PARVB: variants seen among roughly 807,000 people sequenced by gnomAD.
PARVB encodes the protein beta-parvin.
A neutral mutation model predicts 47.0 loss-of-function variants in PARVB; 46 were observed. That is an observed-to-expected ratio of 0.98 (90% CI 0.77 to 1.25). PARVB has a LOEUF of 1.25. PARVB is among the 50% of genes most tolerant of loss of function. The pLI, the probability that PARVB is intolerant of heterozygous loss-of-function variation, is 0.00. For missense variants in PARVB, 473 were observed against 471.6 expected (o/e 1.00, Z -0.03); for synonymous variants, 196 against 196.3 (o/e 1.00, Z 0.01).
chr22:44,030,505 G>A (rs535779160), intron 1 of PARVB, among the ~76,000 whole-genome samples: 56 of 152,272 alleles, frequency 3.7e-4, no homozygotes, highest in African/African-American at 1.2e-3. Context: ...AAACACAGGA[G>A]CTTGGAACCC....
intron 1 of PARVB, among the ~76,000 whole-genome samples, chr22:44,054,990 C>CAAAAAAAA (rs3083343): frequency 1.4e-5 from 1 of 70,118 alleles, no homozygotes; most frequent in Non-Finnish European, 2.5e-5. Flanking sequence ...AACTCCATCT[C>CAAAAAAAA]AAAAAAAAAA....
chr22:44,101,232 A>G (rs899795237), intron 3 of PARVB, among the ~76,000 whole-genome samples: 4 of 151,254 alleles, frequency 2.6e-5, no homozygotes, highest in African/African-American at 9.7e-5. Flanking sequence ...ACACGGTGAA[A>G]CCCCGTCTCT....
chr22:44,109,768 T>C (rs549785076), intron 3 of PARVB: 2 of 151,846 alleles, frequency 1.3e-5, no homozygotes, highest in South Asian at 4.2e-4. Context: ...ATAGCAGCAA[T>C]GTTGTATCTT....
chr22:44,125,207 G>T lies in PARVB; in HGVS notation c.376+6067G>T, dbSNP rs2147142849. On this transcript the variant is annotated intron_variant, in intron 4 of 12. Coordinates refer to ENST00000338758, the MANE Select transcript of PARVB (RefSeq NM_013327.5). This position sits in a 1 kb window ranked among gnomAD's most constrained non-coding sequence, Gnocchi z 4.1. ...GGGAAACATGTCTGTGTTTGTTTTG[G>T]TCACACATTCATTCATTCATCTGAT... 1.3e-5 allele frequency among the ~76,000 whole-genome samples: 2 copies of T among 152,208 alleles called. No homozygotes were observed. The highest frequency in any genetic ancestry group is 1.3e-4 in the Admixed American group (2 of 15,284).
chr22:44,004,143 A>G (rs1191351866), intron 2 of PARVB, among the ~76,000 whole-genome samples: 2 of 152,204 alleles, frequency 1.3e-5, no homozygotes, highest in Admixed American at 6.5e-5. Flanking sequence ...GAAAAAAACA[A>G]TCAAACTAGA....
chr22:44,086,608 C>G (rs1424431820), intron 1 of PARVB: 1 of 258,566 alleles, frequency 3.9e-6, no homozygotes, highest in Non-Finnish European at 6.0e-6. Flanking sequence ...TGCCCAACAG[C>G]ATCTCCTCCC....
chr22:44,081,968 G>A (rs930795830), intron 1 of PARVB, among the ~76,000 whole-genome samples: 5 of 152,230 alleles, frequency 3.3e-5, no homozygotes, highest in African/African-American at 1.2e-4. Flanking sequence ...GACAGACGCA[G>A]CCTCTGAAAA....
At chr22:44,167,620 C>T (rs2054196481) in intron 12 of PARVB, among the ~76,000 whole-genome samples, 2 of 152,176 alleles carry the variant, frequency 1.3e-5, no homozygotes, top group African/African-American at 4.8e-5. Context: ...CCCTCCCCTG[C>T]CTCCACTGGG....
chr22:44,081,503 C>T, intron 1 of PARVB: 1 of 577,112 alleles, frequency 1.7e-6, no homozygotes, highest in Non-Finnish European at 2.2e-6. Flanking sequence ...TTTGGACTTC[C>T]CTGGATACAT....
intron 1 of PARVB, among the ~76,000 whole-genome samples, chr22:44,029,543 A>G: frequency 6.6e-6 from 1 of 152,148 alleles, no homozygotes. Flanking sequence ...TGGGAGGCTG[A>G]GGCAGGTGGA....
intron 1 of PARVB, among the ~76,000 whole-genome samples, chr22:44,052,343 G>A (rs996349558): frequency 6.6e-6 from 1 of 152,154 alleles, no homozygotes; most frequent in South Asian, 2.1e-4. Context: ...ATTGTGGTTC[G>A]ACAGCACCGG....
chr22:44,163,781 G>C, intron 11 of PARVB, 77 bp from the exon 12 acceptor site: 1 of 1,257,728 alleles, frequency 8.0e-7, no homozygotes, highest in East Asian at 2.5e-5. Context: ...TGTCCATGCC[G>C]GCTGTCCTCC....
At chr22:44,043,417 C>T (rs529326590) in intron 1 of PARVB, among the ~76,000 whole-genome samples, 11 of 152,244 alleles carry the variant, frequency 7.2e-5, no homozygotes, top group Admixed American at 2.0e-4. Flanking sequence ...CTTGCTCTGT[C>T]GCCCATGCTG....
At chr22:44,109,590 C>T (rs371809224) in intron 3 of PARVB, 15 of 152,158 alleles carry the variant, frequency 9.9e-5, no homozygotes, top group East Asian at 3.9e-4. Flanking sequence ...TGTACCTCCT[C>T]GGGGTGGCAG....
chr22:44,152,521 C>T (rs111234494), intron 10 of PARVB: 2,644 of 152,332 alleles, frequency 0.017, 77 homozygotes, highest in African/African-American at 0.06. Flanking sequence ...CCTTTGCACA[C>T]GCAGTTCCTC....
intron 1 of PARVB, among the ~76,000 whole-genome samples, chr22:44,087,239 T>C (rs1297982706): frequency 1.3e-5 from 2 of 152,250 alleles, no homozygotes; most frequent in African/African-American, 2.4e-5. Flanking sequence ...CTCGCCCTGA[T>C]CTTTTGTTCT....
At position 44,168,684 on chromosome 22, in the gene PARVB, G is replaced by T; in HGVS notation, c.*6G>T. 4 of 1,597,512 alleles carry T rather than the reference G, an allele frequency of 2.5e-6. No homozygotes were observed. Among genetic ancestry groups the T allele is most frequent in the Non-Finnish European group, 8.6e-7 (1 of 1,164,994 alleles). The stretch of plus-strand genomic sequence containing the variant: ...AGTACAAGAACGTGGAGTGACGGGG[G>T]AGCTGTGGATGGTGGCAGGAGTGTC... On this transcript the variant is annotated 3_prime_UTR_variant, in exon 13 of 13. Coordinates refer to ENST00000338758, the MANE Select transcript of PARVB (RefSeq NM_013327.5).
chr22:44,166,557 C>A (rs932026296), intron 12 of PARVB, among the ~76,000 whole-genome samples: 8 of 152,240 alleles, frequency 5.3e-5, no homozygotes, highest in Non-Finnish European at 1.0e-4. Context: ...AGGGAACCCA[C>A]CACGGACGTG....
chr22:44,001,776 C>A (rs564706442), intron 2 of PARVB, among the ~76,000 whole-genome samples: 2 of 152,306 alleles, frequency 1.3e-5, no homozygotes, highest in South Asian at 4.1e-4. Context: ...ATACCCACGT[C>A]TGAATCACCA....
Sources: allele counts gnomAD v4.1 joint callset (sites outside exome capture counted in the v4.1 genomes callset), GRCh38; gene constraint gnomAD v4.1.1; non-coding constraint Gnocchi (gnomAD v3.1); transcripts MANE v1.5; gene names NCBI Gene and HGNC (gene_info 2026-07-23, HGNC 2026-07-21).